Variants in CLPTM1 observed in about 807,000 individuals in gnomAD.
CLPTM1 encodes putative lipid scramblase CLPTM1.
In CLPTM1, 21 loss-of-function variants were observed where a neutral mutation model predicts 77.3. The ratio of observed to expected loss-of-function variants is 0.27; its 90% CI spans 0.19 to 0.39. The LOEUF is 0.39. Ranked by LOEUF, CLPTM1 falls within the 10% of genes least tolerant of loss-of-function variation. The pLI is 1.00. For missense variants in CLPTM1, 642 were observed against 921.2 expected, an observed-to-expected ratio of 0.70 and a Z score of 3.92; for synonymous variants, 373 against 381.0, an observed-to-expected ratio of 0.98 and a Z score of 0.24.
intron 3 of CLPTM1, among the ~76,000 whole-genome samples, chr19:44,973,766 T>TTTTTGG (rs200537505): frequency 1.2e-4 from 3 of 26,078 alleles, no homozygotes; most frequent in Non-Finnish European, 2.0e-4. Context: ...AGTGGGTTTT[T>TTTTTGG]TTTTTTTTTT....
intron 9 of CLPTM1, among the ~76,000 whole-genome samples, chr19:44,989,515 G>T (rs1971035524): frequency 6.6e-6 from 1 of 152,120 alleles, no homozygotes; most frequent in Non-Finnish European, 1.5e-5. Flanking sequence ...CATTCTGATG[G>T]GCAGGGGTGG....
Position 44,991,338 on chromosome 19 carries a change from T to C in CLPTM1, c.1520T>C (p.Val507Ala). 1 of 1,613,836 alleles carries C rather than the reference T, an allele frequency of 6.2e-7. No homozygotes were observed. The highest frequency in any genetic ancestry group is 8.5e-7 in the Non-Finnish European group (1 of 1,179,960). ...GAGCACAAGGGCTGGTACTCCTGGG[T>C]GCTCAGCATGCTCTACGGCTTCCTG... ...YLEHKGWYSW[V>A]LSMLYGFLLT... is the part of the protein sequence containing the mutation. The change falls in exon 12 of 14, where the codon GTG becomes GCG. Residue 507 changes from valine to alanine, a missense_variant. By Grantham distance (64) the Val-to-Ala change is moderately conservative. Coordinates refer to ENST00000337392, the MANE Select transcript of CLPTM1 (RefSeq NM_001294.4). The surrounding 1 kb of genome is among the most constrained non-coding windows in gnomAD (Gnocchi z 5.4).
chr19:44,972,015 C>A (rs1204005275), intron 2 of CLPTM1, among the ~76,000 whole-genome samples: 1 of 151,004 alleles, frequency 6.6e-6, no homozygotes, highest in Non-Finnish European at 1.5e-5. Flanking sequence ...GGACTAGAGG[C>A]ACGCACCACC....
chr19:44,990,384 C>G lies in CLPTM1; in HGVS notation c.1133-11C>G, dbSNP rs181554129. 465 of 1,613,604 alleles carry G rather than the reference C, an allele frequency of 2.9e-4. 3 individuals are homozygous for G. In the Middle Eastern group the frequency reaches 0.012, roughly 42 times the overall value. On this transcript the variant is annotated splice_polypyrimidine_tract_variant and intron_variant, in intron 9 of 13. Transcript: ENST00000337392. This position sits in a 1 kb window ranked among gnomAD's most constrained non-coding sequence, Gnocchi z 4.8. The stretch of plus-strand genomic sequence containing the variant: ...TCAGCCTCCTGGTTCCCCCCTACCC[C>G]CTGCGCACAGATATCCAGTTCTGGA...
At chr19:44,974,007 A>G (rs1600026648) in intron 3 of CLPTM1, among the ~76,000 whole-genome samples, 2 of 151,732 alleles carry the variant, frequency 1.3e-5, no homozygotes, top group Middle Eastern at 3.4e-3. Context: ...CAAGTGGTCT[A>G]CCCGCCTTGG....
intron 2 of CLPTM1, among the ~76,000 whole-genome samples, chr19:44,967,368 A>AT (rs1185845702): frequency 6.6e-6 from 1 of 151,168 alleles, no homozygotes; most frequent in East Asian, 2.0e-4. Context: ...GAAAAAAAAA[A>AT]GTTCATGAGG....
rs1971068209 is a variant in CLPTM1, at chr19:44,991,132, C to T, written c.1420-106C>T. 1.3e-6 allele frequency: 2 copies of T among 1,560,354 alleles called. No homozygotes were observed. Among genetic ancestry groups the T allele is most frequent in the Non-Finnish European group, 1.7e-6 (2 of 1,148,478 alleles). On this transcript the variant is annotated intron_variant, in intron 11 of 13. Coordinates refer to ENST00000337392, the MANE Select transcript of CLPTM1 (RefSeq NM_001294.4). The surrounding 1 kb of genome is among the most constrained non-coding windows in gnomAD (Gnocchi z 5.4). Reference sequence around the variant, plus strand: ...GAGTCCCCAGGGCTACCTGGAAATTCCCCCTGCCCGGCCTGCCAGACCAGG... The same window carrying T: ...GAGTCCCCAGGGCTACCTGGAAATTTCCCCTGCCCGGCCTGCCAGACCAGG...
Position 44,988,191 on chromosome 19 carries a change from G to A in CLPTM1, c.1132+18G>A, listed in dbSNP as rs764722303. On this transcript the variant is annotated intron_variant, in intron 9 of 13. Coordinates refer to ENST00000337392, the MANE Select transcript of CLPTM1 (RefSeq NM_001294.4). Reference sequence around the variant, plus strand: ...CAAGAATGGTAGGAACAGGACCCCAGGGCTAGTGAGAGGCTGTGCAGGGTG... The same window carrying A: ...CAAGAATGGTAGGAACAGGACCCCAAGGCTAGTGAGAGGCTGTGCAGGGTG... 103 of 1,573,856 alleles carry A rather than the reference G, an allele frequency of 6.5e-5. No individual in the cohort carries two copies. The highest frequency in any genetic ancestry group is 8.7e-5 in the Non-Finnish European group (99 of 1,143,382).
chr19:44,989,086 G>A (rs983223347), intron 9 of CLPTM1, among the ~76,000 whole-genome samples: 3 of 152,146 alleles, frequency 2.0e-5, no homozygotes, highest in African/African-American at 7.2e-5. Flanking sequence ...GGGAGGCTTG[G>A]GCCTGAAAGG....
At chr19:44,963,440 C>T (rs1396739039) in intron 2 of CLPTM1, among the ~76,000 whole-genome samples, 1 of 150,500 alleles carries the variant, frequency 6.6e-6, no homozygotes, top group Non-Finnish European at 1.5e-5. Flanking sequence ...ATTCTCCTGC[C>T]TCAGCCTCCC....
chr19:44,992,970 C>A lies in CLPTM1; in HGVS notation c.*73C>A. 1 of 1,517,364 alleles carries A rather than the reference C, an allele frequency of 6.6e-7. No homozygotes were observed. Among genetic ancestry groups the A allele is most frequent in the Non-Finnish European group, 8.9e-7 (1 of 1,119,064 alleles). The allele number at this position is 1,517,364 out of a possible 1,614,324, so 94.0% of individuals were successfully genotyped here. The stretch of plus-strand genomic sequence containing the variant: ...GCGTCCCGGCCCCCTCGCCTCCCCT[C>A]CCTGTCGCCCTTTCCCTGGACAGAT... On this transcript the variant is annotated 3_prime_UTR_variant, in exon 14 of 14. Coordinates refer to ENST00000337392, the MANE Select transcript of CLPTM1 (RefSeq NM_001294.4). This position sits in a 1 kb window ranked among gnomAD's most constrained non-coding sequence, Gnocchi z 7.7.
intron 8 of CLPTM1, 71 bp downstream of exon 8, chr19:44,987,494 C>T: frequency 6.3e-7 from 1 of 1,580,856 alleles, no homozygotes; most frequent in East Asian, 2.3e-5. Context: ...GGAAGTGTGC[C>T]AGGCCTGGGC....
At chr19:44,971,867 C>T (rs1263587123) in intron 2 of CLPTM1, among the ~76,000 whole-genome samples, 1 of 83,282 alleles carries the variant, frequency 1.2e-5, no homozygotes, top group Non-Finnish European at 2.1e-5. Context: ...CCCAATTATA[C>T]TTTTTTTTTT....
intron 2 of CLPTM1, among the ~76,000 whole-genome samples, chr19:44,963,356 C>T (rs539217559): frequency 9.6e-5 from 14 of 145,078 alleles, no homozygotes; most frequent in Non-Finnish European, 1.4e-4. Context: ...GACGGAGTCT[C>T]GCTCTGTCGC....
chr19:44,969,907 C>G (rs371010910), intron 2 of CLPTM1, among the ~76,000 whole-genome samples: 1 of 136,336 alleles, frequency 7.3e-6, no homozygotes, highest in Non-Finnish European at 1.5e-5. Context: ...AGGTTGGTCT[C>G]GAACTCCTGA....
At chr19:44,966,745 G>A (rs1970635695) in intron 2 of CLPTM1, among the ~76,000 whole-genome samples, 1 of 151,974 alleles carries the variant, frequency 6.6e-6, no homozygotes, top group Admixed American at 6.6e-5. Context: ...GCAGGAGCTG[G>A]CACGCACACA....
At chr19:44,977,543 C>G in intron 5 of CLPTM1, 83 bp downstream of exon 5, 1 of 1,093,858 alleles carries the variant, frequency 9.1e-7, no homozygotes, top group South Asian at 1.3e-5. Context: ...GCGGACAAAT[C>G]CCAAGTCCAG....
At chr19:44,967,210 T>C (rs1433556515) in intron 2 of CLPTM1, among the ~76,000 whole-genome samples, 1 of 151,992 alleles carries the variant, frequency 6.6e-6, no homozygotes, top group Non-Finnish European at 1.5e-5. Flanking sequence ...TGCCAGCTAT[T>C]AGGGAGGCCG....
chr19:44,977,583 A>T, intron 5 of CLPTM1, 123 bp downstream of exon 5: 1 of 787,228 alleles, frequency 1.3e-6, no homozygotes. Flanking sequence ...GTGCTCAAAG[A>T]GGGTGGGATT....
Sources: gnomAD v4.1 joint callset for allele counts (sites outside exome capture counted in the v4.1 genomes callset) on GRCh38, gnomAD v4.1.1 for gene constraint, Gnocchi (gnomAD v3.1) non-coding constraint, MANE v1.5 for transcripts, NCBI Gene and HGNC (gene_info 2026-07-23, HGNC 2026-07-21) for gene names.